Variants in UGT1A10 observed in about 807,000 individuals in gnomAD.
UGT1A10 encodes UDP-glucuronosyltransferase 1A10.
Under a neutral mutation model 45.8 loss-of-function variants are expected in UGT1A10, and 49 were observed. That is an observed-to-expected ratio of 1.07 (90% CI 0.85 to 1.36). The LOEUF is 1.36. Ranked by LOEUF, UGT1A10 falls within the 40% of genes most tolerant of loss-of-function variation. The pLI is 0.00. For missense variants in UGT1A10, 745 were observed against 668.6 expected (o/e 1.11, Z -1.26); for synonymous variants, 284 against 249.7 (o/e 1.14, Z -1.29).
At chr2:233,714,493 C>T (rs566315166) in intron 1 of UGT1A10, among the ~76,000 whole-genome samples, 3 of 152,194 alleles carry the variant, frequency 2.0e-5, no homozygotes, top group South Asian at 2.1e-4. Flanking sequence ...TGTGAAGACA[C>T]TACTTAAAAA....
intron 1 of UGT1A10, among the ~76,000 whole-genome samples, chr2:233,736,630 T>C (rs2078786520): frequency 1.3e-5 from 2 of 152,252 alleles, no homozygotes; most frequent in African/African-American, 4.8e-5. Flanking sequence ...TTTTCTGCTC[T>C]AGTTTCCCCC....
At chr2:233,710,883 A>G (rs916106723) in intron 1 of UGT1A10, among the ~76,000 whole-genome samples, 10 of 152,160 alleles carry the variant, frequency 6.6e-5, no homozygotes, top group African/African-American at 2.4e-4. Context: ...AAACAGTTTA[A>G]GTTTGTAGGT....
Position 233,768,563 on chromosome 2 carries a change from A to T in UGT1A10, c.1295+124A>T, listed in dbSNP as rs1381263592. On this transcript the variant is annotated intron_variant, in intron 4 of 4. Transcript: ENST00000344644. Reference sequence around the variant, plus strand: ...CAAATATAAAAACAAATACATAAAAATCTGGATTTTTATTTCTTCTTTTTT... The same window carrying T: ...CAAATATAAAAACAAATACATAAAATTCTGGATTTTTATTTCTTCTTTTTT... The T allele has an allele frequency of 4.1e-6, 6 of 1,456,444 alleles. No individual in the cohort carries two copies. The East Asian group carries it at 1.5e-4, about 37-fold the overall frequency. The allele number at this position is 1,456,444 out of a possible 1,614,324, so 90.2% of individuals were successfully genotyped here.
chr2:233,671,893 A>G, intron 1 of UGT1A10: 1 of 1,566,360 alleles, frequency 6.4e-7, no homozygotes. Context: ...GTATCATAGG[A>G]GCTTAGATTC....
At chr2:233,760,186 C>G (rs1697340087) in intron 1 of UGT1A10, 1 of 1,558,442 alleles carries the variant, frequency 6.4e-7, no homozygotes, top group Admixed American at 1.8e-5. Flanking sequence ...TTTTTATAGT[C>G]ACGTGACACA....
rs28898591 is a variant in UGT1A10 at position 233,711,285 on chromosome 2, G to A, written c.856-55749G>A. The stretch of plus-strand genomic sequence containing the variant: ...TCCCCAGGGTCTAGGAGTCCTAGAC[G>A]TGGGAGTAGAAATTAGATGACATTG... On this transcript the variant is annotated intron_variant, in intron 1 of 4. Transcript: ENST00000344644. Among the ~76,000 whole-genome samples, 371 of 152,324 alleles carry A rather than the reference G, an allele frequency of 2.4e-3. 1 individual carries two copies. The highest frequency in any genetic ancestry group is 8.6e-3 in the African/African-American group (359 of 41,568).
intron 1 of UGT1A10, among the ~76,000 whole-genome samples, chr2:233,683,700 T>G (rs531254121): frequency 6.6e-6 from 1 of 152,320 alleles, no homozygotes; most frequent in East Asian, 1.9e-4. Context: ...ATTTCATTAT[T>G]TTTGAAACCA....
chr2:233,661,623 T>TTTTCTTTCTTTC (rs55749169), intron 1 of UGT1A10, among the ~76,000 whole-genome samples: 13,891 of 123,680 alleles, frequency 0.11, 1,038 homozygotes, highest in African/African-American at 0.16. Flanking sequence ...ACTTACTGAA[T>TTTTCTTTCTTTC]TTTCTTTCTT....
intron 1 of UGT1A10, among the ~76,000 whole-genome samples, chr2:233,696,065 A>C (rs189342937): frequency 1.3e-5 from 2 of 152,234 alleles, no homozygotes; most frequent in African/African-American, 4.8e-5. Flanking sequence ...TAGTACAGCC[A>C]CTATGAAGAA....
At chr2:233,687,189 C>T (rs930297706) in intron 1 of UGT1A10, among the ~76,000 whole-genome samples, 15 of 152,120 alleles carry the variant, frequency 9.9e-5, no homozygotes, top group African/African-American at 1.7e-4. Context: ...CAGCAATACC[C>T]GTAATTGGGT....
intron 1 of UGT1A10, chr2:233,744,028 CT>C: frequency 1.1e-6 from 1 of 877,624 alleles, no homozygotes; most frequent in African/African-American, 1.8e-5. Flanking sequence ...AGAGACGCCC[CT>C]TATGACGCAG....
intron 1 of UGT1A10, among the ~76,000 whole-genome samples, chr2:233,706,095 A>T (rs2075888829): frequency 1.7e-5 from 2 of 120,396 alleles, no homozygotes; most frequent in Non-Finnish European, 3.6e-5. Context: ...ATTCTGTCTT[A>T]AAAAAAAACC....
chr2:233,645,258 C>A (rs1351583731), intron 1 of UGT1A10, among the ~76,000 whole-genome samples: 2 of 152,140 alleles, frequency 1.3e-5, no homozygotes, highest in Non-Finnish European at 2.9e-5. Context: ...AATTTTCCCA[C>A]CAGGATCCTC....
At chr2:233,741,260 G>T (rs1242600336) in intron 1 of UGT1A10, among the ~76,000 whole-genome samples, 1 of 151,812 alleles carries the variant, frequency 6.6e-6, no homozygotes, top group Non-Finnish European at 1.5e-5. Context: ...GCCACTCTTT[G>T]CTGACCACTG....
chr2:233,707,802 G>A (rs900827108), intron 1 of UGT1A10, among the ~76,000 whole-genome samples: 5 of 152,298 alleles, frequency 3.3e-5, no homozygotes, highest in South Asian at 2.1e-4. Flanking sequence ...GAGCTGCTGC[G>A]TTGGAGGGCG....
At chr2:233,671,515 G>A (rs1553603551) in intron 1 of UGT1A10, among the ~76,000 whole-genome samples, 1 of 152,194 alleles carries the variant, frequency 6.6e-6, no homozygotes, top group Non-Finnish European at 1.5e-5. Context: ...ATCTTCTCTG[G>A]ACAGAGAGTA....
chr2:233,654,318 A>G (rs913353551), intron 1 of UGT1A10, among the ~76,000 whole-genome samples: 2 of 152,232 alleles, frequency 1.3e-5, no homozygotes, highest in Admixed American at 1.3e-4. Context: ...TTAGGGAATC[A>G]ATATTTCAGA....
chr2:233,772,009 A>G (rs1267109388), intron 4 of UGT1A10, among the ~76,000 whole-genome samples: 2 of 152,192 alleles, frequency 1.3e-5, no homozygotes, highest in African/African-American at 4.8e-5. Context: ...GCTACTCTGG[A>G]GGCTGAGGCA....
At chr2:233,663,695 G>C (rs992424294) in intron 1 of UGT1A10, among the ~76,000 whole-genome samples, 1 of 152,154 alleles carries the variant, frequency 6.6e-6, no homozygotes, top group East Asian at 1.9e-4. Flanking sequence ...TATTGTCTTT[G>C]TTTTAAACAA....
Sources: allele counts gnomAD v4.1 joint callset (sites outside exome capture counted in the v4.1 genomes callset), GRCh38; gene constraint gnomAD v4.1.1; transcripts MANE v1.5; gene names NCBI Gene and HGNC (gene_info 2026-07-23, HGNC 2026-07-21).